PAM: variants seen among roughly 807,000 people sequenced by gnomAD.
PAM encodes the protein peptidyl-glycine alpha-amidating monooxygenase.
In PAM, 72 loss-of-function variants were observed where a neutral mutation model predicts 122.1. That is an observed-to-expected ratio of 0.59 (90% CI 0.49 to 0.72). PAM has a LOEUF of 0.72. Ranked by LOEUF, PAM falls within the 30% of genes least tolerant of loss-of-function variation. The probability of loss-of-function intolerance (pLI) is 0.00; values close to 1 mark genes in which losing one functional copy is unlikely to be tolerated. For synonymous variants in PAM, 389 were observed against 404.4 expected, an observed-to-expected ratio of 0.96 and a Z score of 0.46; for missense variants, 1,106 against 1,183.7, an observed-to-expected ratio of 0.93 and a Z score of 0.96.
intron 1 of PAM, among the ~76,000 whole-genome samples, chr5:102,820,173 T>A (rs1455084198): frequency 6.6e-6 from 1 of 152,208 alleles, no homozygotes; most frequent in Non-Finnish European, 1.5e-5. Context: ...TTAAAGTTTC[T>A]AAATAAATTG....
rs190232386 is a variant in PAM, at chr5:102,919,520, G to A, written c.357-5437G>A. Among the ~76,000 whole-genome samples, 76 of 151,994 alleles carry A rather than the reference G, an allele frequency of 5.0e-4. No homozygotes were observed. In the South Asian group the frequency reaches 5.6e-3, roughly 11 times the overall value. The stretch of plus-strand genomic sequence containing the variant: ...CAATCCTCTCTTTGTTTTTTCTGCC[G>A]TAGGAAACTTCTAAAGTTAAATATA... On this transcript the variant is annotated intron_variant, in intron 5 of 25. Transcript: ENST00000438793.
chr5:102,900,434 A>T (rs1483086395), intron 3 of PAM, among the ~76,000 whole-genome samples: 1 of 151,632 alleles, frequency 6.6e-6, no homozygotes, highest in African/African-American at 2.4e-5. Context: ...TCAAATTTTA[A>T]GATATTTGTT....
Position 102,990,346 on chromosome 5 carries a change from G to T in PAM, c.1558G>T (p.Asp520Tyr). 1 of 1,610,108 alleles carries T rather than the reference G, an allele frequency of 6.2e-7. No individual in the cohort carries two copies. The highest frequency in any genetic ancestry group is 8.5e-7 in the Non-Finnish European group (1 of 1,177,190). ...AGGCCAGGTTTCTGGGGTGGCTCTAGACCCTAAGAATAACCTGGTGATTTT... is the reference window on the plus strand; with the variant it reads ...AGGCCAGGTTTCTGGGGTGGCTCTATACCCTAAGAATAACCTGGTGATTTT... ...LPGQVSGVAL[D>Y]PKNNLVIFHR... The change falls in exon 16 of 26, where the codon GAC (aspartate) becomes TAC (tyrosine). Residue 520 changes from aspartate to tyrosine, a missense_variant. Asp to Tyr is a radical substitution (Grantham distance 160). This residue lies in a region of PAM where 670 missense variants were observed against 690.3 expected (regional missense o/e 0.97). Coordinates refer to ENST00000438793, the MANE Select transcript of PAM (RefSeq NM_001177306.2).
At chr5:102,936,941 G>A (rs1301245026) in intron 7 of PAM, among the ~76,000 whole-genome samples, 1 of 151,972 alleles carries the variant, frequency 6.6e-6, no homozygotes, top group Non-Finnish European at 1.5e-5. Flanking sequence ...AATCTCCTGG[G>A]GCCTAGGACA....
At chr5:102,954,119 A>G (rs964152276) in intron 12 of PAM, among the ~76,000 whole-genome samples, 3 of 152,186 alleles carry the variant, frequency 2.0e-5, no homozygotes, top group African/African-American at 7.2e-5. Context: ...CTGTATCCAT[A>G]TATTAAAAAA....
intron 1 of PAM, among the ~76,000 whole-genome samples, chr5:102,778,997 G>A (rs991137058): frequency 2.6e-5 from 4 of 152,100 alleles, no homozygotes; most frequent in East Asian, 1.9e-4. Flanking sequence ...TGGATTTGCC[G>A]TCAGAAAACC....
rs530568784 is a variant in PAM, at chr5:102,823,395, C to G, written c.-373-42428C>G. 4.0e-5 allele frequency among the ~76,000 whole-genome samples: 6 copies of G among 151,784 alleles called. No homozygotes were observed. In the East Asian group the frequency reaches 7.8e-4, roughly 20 times the overall value. On this transcript the variant is annotated intron_variant, in intron 1 of 25. Coordinates refer to ENST00000438793, the MANE Select transcript of PAM (RefSeq NM_001177306.2). The stretch of plus-strand genomic sequence containing the variant: ...AAATAAGTAAAAATTAATGGTAAAC[C>G]CCTACTTTAAAAAAAAAATCAAAGC...
At position 102,959,995 on chromosome 5, in the gene PAM, A is replaced by G. The variant is rs769071462; in HGVS notation, c.1026A>G (p.Pro342=). 2 of 1,612,252 alleles carry G rather than the reference A, an allele frequency of 1.2e-6. No homozygotes were observed. Among genetic ancestry groups the G allele is most frequent in the Non-Finnish European group, 1.7e-6 (2 of 1,178,522 alleles). Residue 342 remains proline (P), a synonymous_variant, in exon 13 of 26, where the codon CCA becomes CCG. Coordinates refer to ENST00000438793, the MANE Select transcript of PAM (RefSeq NM_001177306.2). ...NVAPDMFRTI[P]PEANIPIPVK... ...CTCCAGATATGTTCAGAACCATACC[A>G]CCAGAGGCCAACATTCCAATTCCCG...
intron 7 of PAM, among the ~76,000 whole-genome samples, chr5:102,931,429 CT>C (rs1561930591): frequency 6.6e-6 from 1 of 152,124 alleles, no homozygotes; most frequent in Non-Finnish European, 1.5e-5. Context: ...CCCTCTCCCC[CT>C]TTTTTTGACC....
At chr5:102,847,695 C>A (rs891978029) in intron 1 of PAM, among the ~76,000 whole-genome samples, 4 of 152,148 alleles carry the variant, frequency 2.6e-5, no homozygotes, top group Admixed American at 6.5e-5. Flanking sequence ...TAAACTACTT[C>A]CTAAGACTAT....
intron 1 of PAM, among the ~76,000 whole-genome samples, chr5:102,860,135 T>C (rs1783762798): frequency 6.6e-6 from 1 of 152,178 alleles, no homozygotes; most frequent in Non-Finnish European, 1.5e-5. Flanking sequence ...CTAAAGCAAC[T>C]ATCTAGGGCA....
At chr5:102,893,490 C>T (rs1307028254) in intron 3 of PAM, among the ~76,000 whole-genome samples, 2 of 151,642 alleles carry the variant, frequency 1.3e-5, no homozygotes, top group African/African-American at 4.8e-5. Context: ...ACCTGAAAAC[C>T]CAAAACCTTG....
chr5:102,901,332 A>AT (rs780010223), intron 3 of PAM, 24 bp from the exon 4 acceptor site: 25 of 1,434,916 alleles, frequency 1.7e-5, no homozygotes, highest in Non-Finnish European at 1.9e-5. Context: ...TTTAATTTGG[A>AT]TTTTTTAATC....
At chr5:102,879,585 CCTT>C (rs1306173153) in intron 3 of PAM, among the ~76,000 whole-genome samples, 1 of 152,044 alleles carries the variant, frequency 6.6e-6, no homozygotes, top group Non-Finnish European at 1.5e-5. Context: ...GCTGTATTCT[CCTT>C]CTCTGGCCAT....
intron 1 of PAM, among the ~76,000 whole-genome samples, chr5:102,843,405 A>G (rs1338452368): frequency 2.0e-5 from 3 of 152,236 alleles, no homozygotes; most frequent in African/African-American, 7.2e-5. Flanking sequence ...TGTAAAAAAT[A>G]AAACTATAAG....
chr5:102,927,661 T>A (rs2151754236), intron 7 of PAM, among the ~76,000 whole-genome samples: 1 of 152,020 alleles, frequency 6.6e-6, no homozygotes, highest in East Asian at 1.9e-4. Context: ...GGACAGTAAA[T>A]GCAGTCTCCC....
At chr5:102,911,400 C>T (rs1801352033) in intron 4 of PAM, among the ~76,000 whole-genome samples, 1 of 151,814 alleles carries the variant, frequency 6.6e-6, no homozygotes, top group South Asian at 2.1e-4. Context: ...ACAGTTGTTT[C>T]TCATTTTAGA....
chr5:102,859,697 C>G (rs1262932192), intron 1 of PAM, among the ~76,000 whole-genome samples: 1 of 152,162 alleles, frequency 6.6e-6, no homozygotes, highest in Non-Finnish European at 1.5e-5. Flanking sequence ...AGGCCTCTCA[C>G]TCACCACTCA....
intron 1 of PAM, among the ~76,000 whole-genome samples, chr5:102,831,225 A>C (rs976963803): frequency 6.6e-6 from 1 of 152,176 alleles, no homozygotes; most frequent in Non-Finnish European, 1.5e-5. Flanking sequence ...ACTTGAATAC[A>C]TTTTTATAAC....
Sources: allele counts gnomAD v4.1 joint callset (sites outside exome capture counted in the v4.1 genomes callset), GRCh38; gene constraint gnomAD v4.1.1; regional missense constraint gnomAD v4.1.1; transcripts MANE v1.5; gene names NCBI Gene and HGNC (gene_info 2026-07-23, HGNC 2026-07-21).